Variants in LRTM3 observed in about 807,000 individuals in gnomAD.
LRTM3 encodes the protein leucine rich repeat transmembrane protein 3.
the LRTM3 span, among the ~76,000 whole-genome samples, chr13:102,755,915 G>A: frequency 3.4e-5 from 2 of 58,704 alleles, no homozygotes; most frequent in Non-Finnish European, 8.5e-5. Context: ...GTGTGTGTGT[G>A]TGTGTGTGTG....
chr13:102,730,587 G>A, the LRTM3 span: 6 of 1,551,924 alleles, frequency 3.9e-6, no homozygotes, highest in East Asian at 2.4e-5. Flanking sequence ...TGCAGATCAC[G>A]GTCAGAAGCA....
chr13:102,748,664 G>A, the LRTM3 span: 1 of 1,550,338 alleles, frequency 6.5e-7, no homozygotes, highest in Non-Finnish European at 8.7e-7. Flanking sequence ...GAGATCAAAT[G>A]GTTTTTTACT....
At chr13:102,734,299 T>A in the LRTM3 span, 5 of 1,551,450 alleles carry the variant, frequency 3.2e-6, no homozygotes, top group South Asian at 5.9e-5. Flanking sequence ...TATCTGGTAA[T>A]GCTGATGGCA....
At chr13:102,743,057 T>C in the LRTM3 span, 10 of 1,550,272 alleles carry the variant, frequency 6.5e-6, no homozygotes, top group African/African-American at 1.2e-4. Context: ...AAGCACATCC[T>C]CTGATTTACC....
the LRTM3 span, chr13:102,738,773 G>T: frequency 6.4e-7 from 1 of 1,550,412 alleles, no homozygotes; most frequent in East Asian, 2.4e-5. Context: ...AAAAGAGATG[G>T]AAGCAAAAGG....
chr13:102,735,985 T>C, the LRTM3 span: 45 of 1,549,840 alleles, frequency 2.9e-5, no homozygotes, highest in Middle Eastern at 1.7e-4. Context: ...GGAGTGCCTC[T>C]GCCCTCAAAT....
At chr13:102,746,395 C>T in the LRTM3 span, 4 of 1,550,964 alleles carry the variant, frequency 2.6e-6, no homozygotes, top group Admixed American at 3.9e-5. Context: ...TTTCTCCTTG[C>T]TTTAATTGAG....
At chr13:102,731,585 AT>A in the LRTM3 span, 4 of 1,551,344 alleles carry the variant, frequency 2.6e-6, no homozygotes, top group Non-Finnish European at 3.5e-6. Context: ...ATAGGCTTGT[AT>A]GTTATCTAGT....
At chr13:102,738,002 T>A in the LRTM3 span, 1 of 1,550,678 alleles carries the variant, frequency 6.4e-7, no homozygotes, top group Non-Finnish European at 8.7e-7. Flanking sequence ...TTTCCCTTGC[T>A]CTTTGTCTTC....
At chr13:102,738,046 G>A in the LRTM3 span, 3 of 1,549,080 alleles carry the variant, frequency 1.9e-6, no homozygotes, top group African/African-American at 1.4e-5. Context: ...CACCTCTTCT[G>A]TCCTCTTTCC....
At chr13:102,757,128 T>C in the LRTM3 span, among the ~76,000 whole-genome samples, 3 of 152,208 alleles carry the variant, frequency 2.0e-5, no homozygotes, top group African/African-American at 7.2e-5. Flanking sequence ...CTTATTCTGA[T>C]TGCACTACTG....
At chr13:102,757,935 G>T in the LRTM3 span, among the ~76,000 whole-genome samples, 7 of 152,132 alleles carry the variant, frequency 4.6e-5, no homozygotes, top group East Asian at 1.3e-3. Flanking sequence ...TTAAAATATT[G>T]ATAGCATCAA....
At chr13:102,730,806 C>G in the LRTM3 span, 2 of 1,551,516 alleles carry the variant, frequency 1.3e-6, no homozygotes, top group Non-Finnish European at 8.7e-7. Context: ...GTACTTCCAA[C>G]AGGAAGCCCC....
At chr13:102,748,701 CA>C in the LRTM3 span, 2 of 1,549,664 alleles carry the variant, frequency 1.3e-6, no homozygotes, top group African/African-American at 1.4e-5. Flanking sequence ...TCTGTAATAC[CA>C]ATTCCCTTTG....
At chr13:102,745,093 T>C in the LRTM3 span, 1 of 1,550,890 alleles carries the variant, frequency 6.4e-7, no homozygotes, top group Admixed American at 2.0e-5. Flanking sequence ...CAGGCTGAAG[T>C]TGCTGTGGGA....
the LRTM3 span, chr13:102,730,672 A>G: frequency 9.0e-6 from 14 of 1,551,856 alleles, no homozygotes; most frequent in African/African-American, 1.1e-4. Flanking sequence ...TGAAAGAAAT[A>G]TGTTGTTCTA....
At chr13:102,739,177 C>A in the LRTM3 span, 13 of 1,549,434 alleles carry the variant, frequency 8.4e-6, no homozygotes, top group East Asian at 2.4e-5. Flanking sequence ...CATCTTCCTG[C>A]GTCATTTTCT....
the LRTM3 span, among the ~76,000 whole-genome samples, chr13:102,755,196 C>T: frequency 1.7e-4 from 26 of 152,240 alleles, no homozygotes; most frequent in African/African-American, 5.8e-4. Flanking sequence ...CTGCAACTCC[C>T]TCTGTTCTGC....
chr13:102,742,525 AAC>A, the LRTM3 span: 5 of 1,550,600 alleles, frequency 3.2e-6, no homozygotes, highest in Non-Finnish European at 4.4e-6. Flanking sequence ...TAGAGAAAAA[AAC>A]AGATTCTGGA....
Sources: gnomAD v4.1 joint callset for allele counts (sites outside exome capture counted in the v4.1 genomes callset) on GRCh38, gnomAD v4.1.1 for gene constraint, MANE v1.5 for transcripts, NCBI Gene and HGNC (gene_info 2026-07-23, HGNC 2026-07-21) for gene names.